The following MEI4 variants were observed in gnomAD, a reference collection of about 807,000 sequenced individuals.
MEI4 encodes the protein meiosis-specific protein MEI4.
In MEI4, 27 loss-of-function variants were observed where a neutral mutation model predicts 31.4. That is an observed-to-expected ratio of 0.86 (90% CI 0.63 to 1.19). The LOEUF is 1.19. Ranked by LOEUF, MEI4 falls within the 50% of genes most tolerant of loss-of-function variation. The pLI, the probability that MEI4 is intolerant of heterozygous loss-of-function variation, is 0.00. For synonymous variants in MEI4, 122 were observed against 145.4 expected (o/e 0.84, Z 1.16); for missense variants, 329 against 398.9 (o/e 0.82, Z 1.49).
intron 3 of MEI4, among the ~76,000 whole-genome samples, chr6:77,770,494 C>CA (rs551799668): frequency 1.0e-3 from 151 of 148,174 alleles, no homozygotes; most frequent in East Asian, 9.7e-3. Flanking sequence ...TTATTCTTCA[C>CA]AAAAAAAAAA....
intron 3 of MEI4, among the ~76,000 whole-genome samples, chr6:77,783,525 G>A (rs1303161337): frequency 6.6e-6 from 1 of 152,096 alleles, no homozygotes; most frequent in African/African-American, 2.4e-5. Context: ...GTAAGTACTT[G>A]AAACCAGAAC....
chr6:77,875,026 A>G (rs1459933555), intron 4 of MEI4, among the ~76,000 whole-genome samples: 1 of 152,068 alleles, frequency 6.6e-6, no homozygotes, highest in African/African-American at 2.4e-5. Flanking sequence ...GCTTTTTTGT[A>G]TGTGTACATG....
At chr6:77,859,885 AT>A (rs1277722930) in intron 4 of MEI4, among the ~76,000 whole-genome samples, 1 of 152,210 alleles carries the variant, frequency 6.6e-6, no homozygotes, top group Non-Finnish European at 1.5e-5. Flanking sequence ...CACAGTGATC[AT>A]TACATCATAA....
intron 4 of MEI4, among the ~76,000 whole-genome samples, chr6:77,902,799 C>T (rs1003208002): frequency 2.6e-5 from 4 of 152,104 alleles, no homozygotes; most frequent in Non-Finnish European, 5.9e-5. Flanking sequence ...CTTCAAGTAT[C>T]ACCTTTGCTT....
At chr6:77,841,333 A>ATATATATATATATTTATTTTTTTTTT in intron 4 of MEI4, among the ~76,000 whole-genome samples, 2 of 27,748 alleles carry the variant, frequency 7.2e-5, no homozygotes, top group Non-Finnish European at 1.0e-4. Flanking sequence ...ATATATATAT[A>ATATATATATATATTTATTTTTTTTTT]TTTTTTTTTT....
At chr6:77,765,720 A>G (rs1278838879) in intron 3 of MEI4, among the ~76,000 whole-genome samples, 2 of 151,880 alleles carry the variant, frequency 1.3e-5, no homozygotes, top group Admixed American at 6.6e-5. Flanking sequence ...TCATGCTGCT[A>G]TAAAGACACA....
chr6:77,849,950 A>T (rs1386318521), intron 4 of MEI4, among the ~76,000 whole-genome samples: 1 of 152,212 alleles, frequency 6.6e-6, no homozygotes, highest in Non-Finnish European at 1.5e-5. Flanking sequence ...ATTAAAGTAT[A>T]AAAGCAGTGG....
At chr6:77,913,173 T>A (rs892980971) in intron 4 of MEI4, among the ~76,000 whole-genome samples, 1 of 152,298 alleles carries the variant, frequency 6.6e-6, no homozygotes, top group Non-Finnish European at 1.5e-5. Context: ...TTTGATGCGC[T>A]GTGTATTTGG....
At chr6:77,901,722 A>G (rs1766192478) in intron 4 of MEI4, among the ~76,000 whole-genome samples, 1 of 151,994 alleles carries the variant, frequency 6.6e-6, no homozygotes, top group South Asian at 2.1e-4. Context: ...GCTTAGTATA[A>G]TTCCATTTGA....
chr6:77,896,958 A>G, intron 4 of MEI4, among the ~76,000 whole-genome samples: 1 of 152,016 alleles, frequency 6.6e-6, no homozygotes, highest in South Asian at 2.1e-4. Flanking sequence ...CGATAATAAC[A>G]GACAGTAGAT....
At chr6:77,768,991 A>T (rs183569933) in intron 3 of MEI4, among the ~76,000 whole-genome samples, 1 of 152,166 alleles carries the variant, frequency 6.6e-6, no homozygotes, top group African/African-American at 2.4e-5. Flanking sequence ...CCACAGGAAG[A>T]CTAAATTGAA....
chr6:77,772,256 C>CAA (rs58119358), intron 3 of MEI4, among the ~76,000 whole-genome samples: 3 of 140,354 alleles, frequency 2.1e-5, no homozygotes, highest in East Asian at 2.0e-4. Context: ...AAAGACACAT[C>CAA]AAAAAAAAAA....
At chr6:77,716,000 C>G (rs1484097518) in intron 2 of MEI4, among the ~76,000 whole-genome samples, 1 of 152,036 alleles carries the variant, frequency 6.6e-6, no homozygotes, top group East Asian at 1.9e-4. Flanking sequence ...ATCTTTTCAC[C>G]TCTGAACTTT....
chr6:77,671,870 C>T lies in MEI4; in HGVS notation c.-15+18778C>T, dbSNP rs576871157. Among the ~76,000 whole-genome samples the T allele has an allele frequency of 2.6e-5, 4 of 152,246 alleles. No individual in the cohort carries two copies. The South Asian group carries it at 8.3e-4, about 32-fold the overall frequency. ...GCTGGGATCTCAGCTTGGCTCTCAGCATGAACAAAGTCTAGGAAACATGCT... is the reference window on the plus strand; with the variant it reads ...GCTGGGATCTCAGCTTGGCTCTCAGTATGAACAAAGTCTAGGAAACATGCT... On this transcript the variant is annotated intron_variant, in intron 1 of 4. Transcript: ENST00000684080.
intron 3 of MEI4, among the ~76,000 whole-genome samples, chr6:77,775,702 G>A (rs1185311474): frequency 6.6e-6 from 1 of 151,962 alleles, no homozygotes; most frequent in Non-Finnish European, 1.5e-5. Context: ...TTTTCCTCTG[G>A]GTAGTTAACC....
At chr6:77,797,408 T>C (rs1282484873) in intron 3 of MEI4, among the ~76,000 whole-genome samples, 1 of 151,978 alleles carries the variant, frequency 6.6e-6, no homozygotes, top group Non-Finnish European at 1.5e-5. Context: ...CCTTATGAAA[T>C]GGGAATAAAC....
At chr6:77,886,065 T>G (rs1771611240) in intron 4 of MEI4, among the ~76,000 whole-genome samples, 2 of 152,182 alleles carry the variant, frequency 1.3e-5, no homozygotes, top group African/African-American at 4.8e-5. Context: ...TTTGCTAGTA[T>G]TTTGTTGAAA....
At chr6:77,780,093 T>C (rs1768554849) in intron 3 of MEI4, among the ~76,000 whole-genome samples, 1 of 152,082 alleles carries the variant, frequency 6.6e-6, no homozygotes. Context: ...ACATGCAGGG[T>C]TGGAGTCCGG....
At chr6:77,756,018 C>A (rs1767908328) in intron 2 of MEI4, among the ~76,000 whole-genome samples, 1 of 152,106 alleles carries the variant, frequency 6.6e-6, no homozygotes, top group Non-Finnish European at 1.5e-5. Context: ...GAAAGCGGCA[C>A]CAGCATGGCT....
Sources: gnomAD v4.1 joint callset for allele counts (sites outside exome capture counted in the v4.1 genomes callset) on GRCh38, gnomAD v4.1.1 for gene constraint, MANE v1.5 for transcripts, NCBI Gene and HGNC (gene_info 2026-07-23, HGNC 2026-07-21) for gene names.